SGCD: variants seen among roughly 807,000 people sequenced by gnomAD.
The protein encoded by SGCD is delta-sarcoglycan.
Under a neutral mutation model 36.6 loss-of-function variants are expected in SGCD, and 18 were observed. The observed-to-expected ratio is 0.49, with a 90% CI of 0.34 to 0.73. The LOEUF (loss-of-function observed/expected upper bound fraction) is 0.73. Ranked by LOEUF, SGCD falls within the 30% of genes least tolerant of loss-of-function variation. The pLI is 0.01. For synonymous variants in SGCD, 133 were observed against 130.6 expected (o/e 1.02, Z -0.12); for missense variants, 387 against 346.7 (o/e 1.12, Z -0.92).
At chr5:155,820,795 C>T in the SGCD span, among the ~76,000 whole-genome samples, 1 of 152,114 alleles carries the variant, frequency 6.6e-6, no homozygotes, top group Admixed American at 6.5e-5. Flanking sequence ...ATCCCCTGAA[C>T]ATTTATATTC....
At chr5:156,316,561 A>G (rs1767522660) in intron 3 of SGCD, among the ~76,000 whole-genome samples, 1 of 152,054 alleles carries the variant, frequency 6.6e-6, no homozygotes, top group Non-Finnish European at 1.5e-5. Context: ...TATATTGTAA[A>G]GATATTGTAA....
chr5:156,485,053 G>A (rs534271214), intron 3 of SGCD, among the ~76,000 whole-genome samples: 7 of 151,814 alleles, frequency 4.6e-5, no homozygotes, highest in Non-Finnish European at 8.8e-5. Flanking sequence ...ACAAGTGTAA[G>A]AAGTTGTTAC....
intron 1 of SGCD, among the ~76,000 whole-genome samples, chr5:155,876,056 T>A (rs562612331): frequency 1.1e-3 from 162 of 151,742 alleles, no homozygotes; most frequent in East Asian, 2.7e-3. Flanking sequence ...TTATTTATTT[T>A]TTTTTATTAT....
At chr5:156,241,433 T>G (rs1765303795) in intron 3 of SGCD, among the ~76,000 whole-genome samples, 1 of 152,204 alleles carries the variant, frequency 6.6e-6, no homozygotes, top group East Asian at 1.9e-4. Context: ...ATTTCTCTCC[T>G]GATGACTTTG....
intron 3 of SGCD, among the ~76,000 whole-genome samples, chr5:156,277,873 A>C (rs1170117922): frequency 1.3e-5 from 2 of 152,190 alleles, no homozygotes; most frequent in Non-Finnish European, 2.9e-5. Context: ...AGTTGTCACC[A>C]GACATAAACA....
At chr5:156,214,383 A>C (rs925047299) in intron 3 of SGCD, among the ~76,000 whole-genome samples, 10 of 152,054 alleles carry the variant, frequency 6.6e-5, no homozygotes, top group Admixed American at 5.9e-4. Context: ...AGAAATACTT[A>C]GGATAAAATT....
chr5:156,136,881 C>T (rs753911878), intron 3 of SGCD, among the ~76,000 whole-genome samples: 2 of 152,088 alleles, frequency 1.3e-5, no homozygotes, highest in African/African-American at 2.4e-5. Flanking sequence ...GATTTTTAAA[C>T]ATCTTTGAAA....
intron 1 of SGCD, among the ~76,000 whole-genome samples, chr5:156,078,380 A>T (rs1760848237): frequency 6.6e-6 from 1 of 151,262 alleles, no homozygotes; most frequent in African/African-American, 2.4e-5. Flanking sequence ...GGATGTGGTG[A>T]GGCTCACCTG....
At chr5:156,139,794 G>A (rs1414318777) in intron 3 of SGCD, among the ~76,000 whole-genome samples, 4 of 152,188 alleles carry the variant, frequency 2.6e-5, no homozygotes, top group Admixed American at 1.3e-4. Flanking sequence ...GAAGGATGAT[G>A]CCTCCTCCAA....
the SGCD span, among the ~76,000 whole-genome samples, chr5:155,729,843 G>A: frequency 6.6e-6 from 1 of 152,196 alleles, no homozygotes; most frequent in East Asian, 1.9e-4. Flanking sequence ...CAACTTGCAG[G>A]CAACTGAGAG....
At chr5:155,847,895 T>C in the SGCD span, among the ~76,000 whole-genome samples, 2 of 152,232 alleles carry the variant, frequency 1.3e-5, no homozygotes, top group Non-Finnish European at 2.9e-5. Flanking sequence ...TAATAAATTG[T>C]TGTGTCAAGC....
At chr5:156,123,881 GGA>G (rs1762108783) in exon 3 of SGCD, 2 of 152,024 alleles carry the variant, frequency 1.3e-5, no homozygotes, top group Admixed American at 1.3e-4. Context: ...CCATCCTCAG[GGA>G]TTTGAAGAAG....
chr5:156,353,309 A>T (rs1454206690), intron 3 of SGCD, among the ~76,000 whole-genome samples: 2 of 152,234 alleles, frequency 1.3e-5, no homozygotes, highest in South Asian at 4.1e-4. Flanking sequence ...GCTTTATATG[A>T]CTTCTAAAAT....
intron 7 of SGCD, among the ~76,000 whole-genome samples, chr5:156,719,060 T>C (rs1430339190): frequency 6.6e-6 from 1 of 152,020 alleles, no homozygotes; most frequent in Middle Eastern, 3.2e-3. Flanking sequence ...TGTATACAAA[T>C]ATGCACACAC....
intron 1 of SGCD, among the ~76,000 whole-genome samples, chr5:156,104,422 T>C (rs1393928452): frequency 1.3e-5 from 2 of 152,216 alleles, no homozygotes; most frequent in Non-Finnish European, 2.9e-5. Flanking sequence ...AGCCCCCTTG[T>C]TGAGTTACAG....
intron 1 of SGCD, among the ~76,000 whole-genome samples, chr5:155,894,815 A>G (rs2113324807): frequency 6.6e-6 from 1 of 152,280 alleles, no homozygotes; most frequent in East Asian, 1.9e-4. Flanking sequence ...CTGATTCTAC[A>G]TTATGGTGAG....
intron 3 of SGCD, among the ~76,000 whole-genome samples, chr5:156,500,332 C>T (rs60556310): frequency 0.048 from 7,289 of 152,264 alleles, 245 homozygotes; most frequent in South Asian, 0.11. Context: ...GAGACTACAG[C>T]AGTGAATAAA....
chr5:155,941,716 T>C (rs1302544626), intron 1 of SGCD, among the ~76,000 whole-genome samples: 1 of 152,102 alleles, frequency 6.6e-6, no homozygotes, highest in Non-Finnish European at 1.5e-5. Context: ...ATACATTCAA[T>C]GCCTCTATGT....
intron 1 of SGCD, among the ~76,000 whole-genome samples, chr5:155,947,293 TTGTGTGTGTGTGTGTGTGTGTG>T (rs56192140): frequency 0.015 from 2,033 of 138,970 alleles, 29 homozygotes; most frequent in Non-Finnish European, 0.022. Context: ...ATAAATACTC[TTGTGTGTGTGTGTGTGTGTGTG>T]TGTGTGTGTG....
Sources: gnomAD v4.1 joint callset for allele counts (sites outside exome capture counted in the v4.1 genomes callset) on GRCh38, gnomAD v4.1.1 for gene constraint, MANE v1.5 for transcripts, NCBI Gene and HGNC (gene_info 2026-07-23, HGNC 2026-07-21) for gene names.